LCORL: variants seen among roughly 807,000 people sequenced by gnomAD.
LCORL encodes the protein ligand-dependent nuclear receptor corepressor-like protein.
Under a neutral mutation model 141.8 loss-of-function variants are expected in LCORL, and 41 were observed. The observed-to-expected ratio is 0.29, with a 90% confidence interval of 0.23 to 0.38. The LOEUF (loss-of-function observed/expected upper bound fraction) is 0.38, where lower values mean the gene tolerates loss of function less well. Ranked by LOEUF, LCORL falls within the 10% of genes least tolerant of loss-of-function variation. LCORL has a pLI of 1.00. For missense variants in LCORL, 1,759 were observed against 2,035.0 expected (o/e 0.86, Z 2.61); for synonymous variants, 618 against 694.1 (o/e 0.89, Z 1.72).
chr4:17,923,982 G>A (rs866970579), intron 4 of LCORL, among the ~76,000 whole-genome samples: 9 of 151,526 alleles, frequency 5.9e-5, no homozygotes, highest in South Asian at 2.1e-4. Context: ...GCAGAACTTC[G>A]AGCAGTGCAA....
intron 4 of LCORL, among the ~76,000 whole-genome samples, chr4:17,954,621 T>C (rs764442518): frequency 2.1e-4 from 32 of 152,120 alleles, no homozygotes; most frequent in Non-Finnish European, 4.0e-4. Flanking sequence ...AAGGACTAGT[T>C]AGAAGGCTCC....
rs375290876 is a variant in LCORL at position 17,978,081 on chromosome 4, G to A, written c.155-5196C>T. On this transcript the variant is annotated intron_variant, in intron 1 of 7. Coordinates refer to ENST00000635767, the Ensembl canonical transcript of LCORL. Reference sequence around the variant, plus strand: ...TTAGCAAACTTTAATAGCAGTTTTAGTATACTTCTTTGCAATTTCGATCAT... The same window carrying A: ...TTAGCAAACTTTAATAGCAGTTTTAATATACTTCTTTGCAATTTCGATCAT... Among the ~76,000 whole-genome samples the A allele has an allele frequency of 2.1e-4, 32 of 152,172 alleles. 1 individual carries two copies. In the South Asian group the frequency reaches 3.7e-3, roughly 18 times the overall value.
rs985232114 is a variant in LCORL at position 17,924,345 on chromosome 4, G to A, written c.431-15000C>T. 3.9e-5 allele frequency among the ~76,000 whole-genome samples: 6 copies of A among 152,272 alleles called. 1 individual carries two copies. In the East Asian group the frequency reaches 1.2e-3, roughly 30 times the overall value. On this transcript the variant is annotated intron_variant, in intron 4 of 7. Coordinates refer to ENST00000635767, the Ensembl canonical transcript of LCORL. ...GGCCCACGAACAAAGTGACCATGGT[G>A]GCAGGGATGGAGGTTACACATGGGT... is the stretch of plus-strand genomic sequence containing the variant.
chr4:17,885,608 A>T lies in LCORL; in HGVS notation c.776+460T>A, dbSNP rs1460098983. Among the ~76,000 whole-genome samples the T allele has an allele frequency of 2.0e-5, 3 of 151,934 alleles. No individual in the cohort carries two copies. In the East Asian group the frequency reaches 5.8e-4, roughly 29 times the overall value. On this transcript the variant is annotated intron_variant, in intron 6 of 7. Transcript: ENST00000635767. ...AAACATGAGAGGACTTTTTGTGGTGATTACTAGATATATTTAAGTAGTTTG... is the reference window on the plus strand; with the variant it reads ...AAACATGAGAGGACTTTTTGTGGTGTTTACTAGATATATTTAAGTAGTTTG...
At chr4:18,014,011 T>C (rs1404977316) in intron 1 of LCORL, among the ~76,000 whole-genome samples, 2 of 152,142 alleles carry the variant, frequency 1.3e-5, no homozygotes, top group Non-Finnish European at 2.9e-5. Context: ...TTGTGTCATC[T>C]TGGCAAGGCT....
intron 5 of LCORL, among the ~76,000 whole-genome samples, chr4:17,908,609 T>C (rs6814852): frequency 0.074 from 11,216 of 152,208 alleles, 936 homozygotes; most frequent in African/African-American, 0.21. Context: ...AGGTTCCTTA[T>C]GACCAATGTT....
chr4:17,920,862 C>A (rs924788122), intron 4 of LCORL, among the ~76,000 whole-genome samples: 1 of 152,186 alleles, frequency 6.6e-6, no homozygotes, highest in African/African-American at 2.4e-5. Flanking sequence ...GGCTCTACTT[C>A]TCTTTCTAGT....
chr4:17,936,549 A>C lies in LCORL; in HGVS notation c.430+25354T>G, dbSNP rs1736894802. ...TATCACTTCTTATTCAAATCTATTT[A>C]GTTCTTGAGTTCACATAGTTTGAAG... On this transcript the variant is annotated intron_variant, in intron 4 of 7. Coordinates refer to ENST00000635767, the Ensembl canonical transcript of LCORL. 5.3e-5 allele frequency among the ~76,000 whole-genome samples: 8 copies of C among 152,278 alleles called. No individual in the cohort carries two copies. In the South Asian group the frequency reaches 1.7e-3, roughly 32 times the overall value.
At chr4:17,961,939 C>T (rs1713881891) in exon 4 of LCORL, 2 of 1,610,342 alleles carry the variant, frequency 1.2e-6, no homozygotes, top group African/African-American at 2.7e-5. Context: ...TAATTTTCTG[C>T]TTGGCATTCA....
At chr4:17,942,089 C>A (rs1257404941) in intron 4 of LCORL, among the ~76,000 whole-genome samples, 1 of 152,036 alleles carries the variant, frequency 6.6e-6, no homozygotes, top group Non-Finnish European at 1.5e-5. Context: ...AATGTCAAAA[C>A]CTTTATATAA....
intron 5 of LCORL, among the ~76,000 whole-genome samples, chr4:17,908,762 GCTTA>G (rs1469938965): frequency 1.3e-5 from 2 of 151,894 alleles, no homozygotes; most frequent in African/African-American, 2.4e-5. Flanking sequence ...ACAAGCAAGT[GCTTA>G]CTGTTTTCAG....
intron 4 of LCORL, among the ~76,000 whole-genome samples, chr4:17,927,503 C>T (rs1735335599): frequency 6.6e-6 from 1 of 152,174 alleles, no homozygotes; most frequent in Admixed American, 6.5e-5. Flanking sequence ...TTGGCCTATC[C>T]TGACTTTTGA....
At chr4:17,988,183 G>A (rs745468280) in intron 1 of LCORL, among the ~76,000 whole-genome samples, 2 of 152,116 alleles carry the variant, frequency 1.3e-5, no homozygotes, top group East Asian at 3.8e-4. Flanking sequence ...CTTGCCTTCC[G>A]CCGTGATTGT....
At position 17,987,435 on chromosome 4, in the gene LCORL, A is replaced by G. The variant is rs189000360; in HGVS notation, c.155-14550T>C. 2.0e-5 allele frequency among the ~76,000 whole-genome samples: 3 copies of G among 152,274 alleles called. No homozygotes were observed. The East Asian group carries it at 5.8e-4, about 29-fold the overall frequency. ...GAATAGCAGTCCACTGTTTGGATATACTACATTTGTTTATTGATTTGCTAG... is the reference window on the plus strand; with the variant it reads ...GAATAGCAGTCCACTGTTTGGATATGCTACATTTGTTTATTGATTTGCTAG... On this transcript the variant is annotated intron_variant, in intron 1 of 7. Coordinates refer to ENST00000635767, the Ensembl canonical transcript of LCORL.
intron 1 of LCORL, among the ~76,000 whole-genome samples, chr4:18,020,240 T>C (rs1438920130): frequency 6.6e-6 from 1 of 152,070 alleles, no homozygotes; most frequent in Non-Finnish European, 1.5e-5. Flanking sequence ...TCTTAAGACG[T>C]TAACCAAATA....
At chr4:17,965,931 G>A (rs544659316) in intron 2 of LCORL, among the ~76,000 whole-genome samples, 1 of 152,012 alleles carries the variant, frequency 6.6e-6, no homozygotes, top group African/African-American at 2.4e-5. Flanking sequence ...CGTTTCCAAA[G>A]ACAAAGTTCA....
intron 5 of LCORL, among the ~76,000 whole-genome samples, chr4:17,907,119 C>T (rs1328594020): frequency 2.6e-5 from 4 of 152,176 alleles, no homozygotes; most frequent in Non-Finnish European, 4.4e-5. Flanking sequence ...ATCTGTTTCC[C>T]TCTAACCTCT....
At chr4:17,982,874 C>T (rs1223761331) in intron 1 of LCORL, among the ~76,000 whole-genome samples, 2 of 152,154 alleles carry the variant, frequency 1.3e-5, no homozygotes, top group African/African-American at 2.4e-5. Flanking sequence ...CCTAGGTTGT[C>T]TTCAAGGGTT....
At chr4:17,850,434 A>C (rs1301646311) in intron 7 of LCORL, among the ~76,000 whole-genome samples, 1 of 151,922 alleles carries the variant, frequency 6.6e-6, no homozygotes, top group African/African-American at 2.4e-5. Flanking sequence ...CAAATTTACA[A>C]GAAAAAAACA....
Sources: gnomAD v4.1 joint callset for allele counts (sites outside exome capture counted in the v4.1 genomes callset) on GRCh38, gnomAD v4.1.1 for gene constraint, MANE v1.5 for transcripts, NCBI Gene and HGNC (gene_info 2026-07-23, HGNC 2026-07-21) for gene names.